DNAH1: variants seen among roughly 807,000 people sequenced by gnomAD.
DNAH1 encodes axonemal beta dynein heavy chain 1.
A neutral mutation model predicts 484.3 loss-of-function variants in DNAH1; 327 were observed. That is an observed-to-expected ratio of 0.68 (90% confidence interval 0.62 to 0.74). DNAH1 has a LOEUF of 0.74. DNAH1 is among the 30% of genes least tolerant of loss of function. The pLI is 0.00. For missense variants in DNAH1, 5,052 were observed against 5,546.8 expected (o/e 0.91, Z 2.83); for synonymous variants, 2,192 against 2,191.9 (o/e 1.00, Z 0.00).
intron 7 of DNAH1, 136 bp downstream of exon 7, chr3:52,331,445 G>A (rs1177892297): frequency 2.8e-6 from 3 of 1,057,530 alleles, no homozygotes; most frequent in South Asian, 1.7e-5. Context: ...GCCCTGACCG[G>A]TGAGGACCAG....
In DNAH1 at chr3:52,383,972, A is replaced by C; in HGVS notation, c.8263A>C (p.Thr2755Pro). The C allele has an allele frequency of 3.7e-6, 6 of 1,611,672 alleles. No homozygotes were observed. In the East Asian group the frequency reaches 1.1e-4, roughly 30 times the overall value. The change falls in exon 52 of 78, where the codon ACC becomes CCC. Residue 2755 changes from threonine to proline, a missense_variant. Thr to Pro is a conservative substitution (Grantham distance 38). This residue lies in a region of DNAH1 where 2,929 missense variants were observed against 3,409.4 expected (regional missense o/e 0.86). Coordinates refer to ENST00000420323, the MANE Select transcript of DNAH1 (RefSeq NM_015512.5). The stretch of plus-strand genomic sequence containing the variant: ...GGCAGAAGCCCTGAAGTCTGTGGCC[A>C]CCGTGTTCCTCAATGAGATCCCAGA... ...WPAEALKSVA[T>P]VFLNEIPELE... is the part of the protein sequence containing the mutation.
At chr3:52,372,862 G>A in intron 43 of DNAH1, 34 bp from the exon 44 acceptor site, 2 of 1,589,224 alleles carry the variant, frequency 1.3e-6, no homozygotes, top group South Asian at 1.1e-5. Context: ...CCTGGTGCCT[G>A]TGGGTGCTGG....
At position 52,391,581 on chromosome 3, in the gene DNAH1, A is replaced by G. The variant is rs1350331590; in HGVS notation, c.10030A>G (p.Ile3344Val). 1 of 1,613,570 alleles carries G rather than the reference A, an allele frequency of 6.2e-7. No homozygotes were observed. The highest frequency in any genetic ancestry group is 1.7e-5 in the Admixed American group (1 of 59,984). The change falls in exon 63 of 78, where the codon ATC becomes GTC. Residue 3344 changes from isoleucine to valine, a missense_variant. Physicochemically the swap from Ile to Val is conservative, Grantham distance 29. Coordinates refer to ENST00000420323, the MANE Select transcript of DNAH1 (RefSeq NM_015512.5). ...CGAGATCTCCACCAAACTCACCCTC[A>G]TCAACTTCACCCTGTCGCCCAGGTG... ...TPEISTKLTL[I>V]NFTLSPSGLE...
At position 52,364,643 on chromosome 3, in the gene DNAH1, C is replaced by T. The variant is rs755467981; in HGVS notation, c.5250C>T (p.His1750=). The change falls in exon 33 of 78, where the codon CAC becomes CAT. Residue 1750 remains histidine, a synonymous_variant. Coordinates refer to ENST00000420323, the MANE Select transcript of DNAH1 (RefSeq NM_015512.5). This position sits in a 1 kb window ranked among gnomAD's most constrained non-coding sequence, Gnocchi z 4.2. ...CTCCTTCTGTATGGCGACAGGATCA[C>T]TATGACTTCGGGATGAGAGCCGTGA... is the stretch of plus-strand genomic sequence containing the variant. The part of the protein sequence containing the change: ...LSSEQLSSQD[H]YDFGMRAVKT... 3.7e-6 allele frequency: 6 copies of T among 1,613,980 alleles called. No homozygotes were observed. The South Asian group carries it at 6.6e-5, about 18-fold the overall frequency.
chr3:52,375,916 C>T (rs374196749), intron 45 of DNAH1, 39 bp from the exon 46 acceptor site: 1 of 1,610,434 alleles, frequency 6.2e-7, no homozygotes, highest in Non-Finnish European at 8.5e-7. Flanking sequence ...AAGAGGTCCA[C>T]CTAACCCTGA....
chr3:52,343,463 G>A (rs994422000), intron 8 of DNAH1, among the ~76,000 whole-genome samples: 1 of 152,158 alleles, frequency 6.6e-6, no homozygotes, highest in African/African-American at 2.4e-5. Context: ...GAAATTCGAG[G>A]GACTTCACCC....
At position 52,395,746 on chromosome 3, in the gene DNAH1, G is replaced by A. The variant is rs1307823562; in HGVS notation, c.11259+68G>A. 4 of 1,550,416 alleles carry A rather than the reference G, an allele frequency of 2.6e-6. No homozygotes were observed. The highest frequency in any genetic ancestry group is 3.5e-6 in the Non-Finnish European group (4 of 1,143,456). ...GCATCCATCAGGGACTAATGAGGCA[G>A]AAATAAGAGAATCATGCCAAGCACT... On this transcript the variant is annotated intron_variant, in intron 70 of 77. Transcript: ENST00000420323. This position sits in a 1 kb window ranked among gnomAD's most constrained non-coding sequence, Gnocchi z 4.4.
At chr3:52,313,824 C>T (rs1700867965), upstream of DNAH1, among the ~76,000 whole-genome samples, 2 of 152,158 alleles carry the variant, frequency 1.3e-5, no homozygotes, top group African/African-American at 4.8e-5. Flanking sequence ...GTGTCCCTCA[C>T]ACCACTCTGT....
In DNAH1 at chr3:52,394,637, T is replaced by C; in HGVS notation, c.10799T>C (p.Ile3600Thr). Residue 3600 changes from isoleucine to threonine, a missense_variant, in exon 67 of 78, where the codon ATC becomes ACC. By Grantham distance (89) the Ile-to-Thr change is moderately conservative (BLOSUM62 -1). This residue lies in a region of DNAH1 where 853 missense variants were observed against 899.0 expected (regional missense o/e 0.95). Coordinates refer to ENST00000420323, the MANE Select transcript of DNAH1 (RefSeq NM_015512.5). Reference sequence around the variant, plus strand: ...AAGCACCTCTCAGAATTCCGGGTCATCTTCGACAGCCTTGAGCCCCACCGG... The same window carrying C: ...AAGCACCTCTCAGAATTCCGGGTCACCTTCGACAGCCTTGAGCCCCACCGG... Reference protein sequence around the residue: ...FVKHLSEFRVIFDSLEPHREP... With the variant: ...FVKHLSEFRVTFDSLEPHREP... 1 of 1,583,704 alleles carries C rather than the reference T, an allele frequency of 6.3e-7. No individual in the cohort carries two copies. The highest frequency in any genetic ancestry group is 1.3e-5 in the African/African-American group (1 of 74,760).
chr3:52,395,290 C>T lies in DNAH1; in HGVS notation c.10969-18C>T. 6.2e-7 allele frequency: 1 copy of T among 1,610,446 alleles called. No individual in the cohort carries two copies. The highest frequency in any genetic ancestry group is 8.5e-7 in the Non-Finnish European group (1 of 1,177,958). On this transcript the variant is annotated intron_variant, in intron 68 of 77. Transcript: ENST00000420323. The surrounding 1 kb of genome is among the most constrained non-coding windows in gnomAD (Gnocchi z 4.4). ...CTGCAGCCCCAGGTGGTCTCAGCAT[C>T]TCCCCCTGCCCTTGCAGACAGCCAA... is the stretch of plus-strand genomic sequence containing the variant.
chr3:52,396,536 A>G lies in DNAH1; in HGVS notation c.11428A>G (p.Lys3810Glu), dbSNP rs1165488553. 1 of 1,612,566 alleles carries G rather than the reference A, an allele frequency of 6.2e-7. No individual in the cohort carries two copies. Among genetic ancestry groups the G allele is most frequent in the Non-Finnish European group, 8.5e-7 (1 of 1,179,398 alleles). Reference sequence around the variant, plus strand: ...TGAAGACTTCCTCAACTCCTGCCACAAGGTGAGGCACACTTGGTGCAGGCC... The same window carrying G: ...TGAAGACTTCCTCAACTCCTGCCACGAGGTGAGGCACACTTGGTGCAGGCC... ...LGEDFLNSCH[K>E]VMEFKSLLLS... Residue 3810 changes from lysine (K) to glutamate (E), a missense_variant and splice_region_variant, in exon 71 of 78, where the codon AAG becomes GAG. Physicochemically the swap from Lys to Glu is moderately conservative, Grantham distance 56. This residue lies in a region of DNAH1 where 853 missense variants were observed against 899.0 expected (regional missense o/e 0.95). Coordinates refer to ENST00000420323, the MANE Select transcript of DNAH1 (RefSeq NM_015512.5).
At chr3:52,359,068 T>A (rs747700480) in intron 25 of DNAH1, among the ~76,000 whole-genome samples, 178 bp from the exon 26 acceptor site, 3 of 152,150 alleles carry the variant, frequency 2.0e-5, no homozygotes, top group Non-Finnish European at 2.9e-5. Context: ...TTCAGAGATA[T>A]CTCTGCCACC....
At position 52,326,237 on chromosome 3, in the gene DNAH1, G is replaced by T; in HGVS notation, c.504G>T (p.Leu168=). 12 of 1,613,038 alleles carry T rather than the reference G, an allele frequency of 7.4e-6. No individual in the cohort carries two copies. The highest frequency in any genetic ancestry group is 4.2e-6 in the Non-Finnish European group (5 of 1,179,692). The change falls in exon 4 of 78, where the codon CTG becomes CTT. Residue 168 remains leucine, a synonymous_variant. Coordinates refer to ENST00000420323, the MANE Select transcript of DNAH1 (RefSeq NM_015512.5). ...TRLLAQTDFP[L]QAYEPKMQVP... ...TGCTCGCCCAGACTGACTTCCCACT[G>T]CAGGCCTACGAGCCCAAGATGCAGG...
rs1323959038 is a variant in DNAH1 at position 52,363,087 on chromosome 3, G to A, written c.5187G>A (p.Val1729=). 6.2e-7 allele frequency: 1 copy of A among 1,613,876 alleles called. No individual in the cohort carries two copies. Among genetic ancestry groups the A allele is most frequent in the Non-Finnish European group, 8.5e-7 (1 of 1,179,868 alleles). ...CCTTTGGCTTTAATGAGGCCAGTGTGCTGGCTAAGAAGATCACAACCACCT... is the reference window on the plus strand; with the variant it reads ...CCTTTGGCTTTAATGAGGCCAGTGTACTGGCTAAGAAGATCACAACCACCT... ...LYSFGFNEAS[V]LAKKITTTFK... The change falls in exon 32 of 78, where the codon GTG becomes GTA. Residue 1729 remains valine, a synonymous_variant. Coordinates refer to ENST00000420323, the MANE Select transcript of DNAH1 (RefSeq NM_015512.5).
rs1578065231 is a variant in DNAH1, at chr3:52,322,396, G to A, written c.-34-13G>A. ...GCTGGCAAGGGCTGACTGACGCTGGGTTCTTCTCCTAGGAGCTTCGGCTGG... is the reference window on the plus strand; with the variant it reads ...GCTGGCAAGGGCTGACTGACGCTGGATTCTTCTCCTAGGAGCTTCGGCTGG... On this transcript the variant is annotated splice_polypyrimidine_tract_variant and intron_variant, in intron 1 of 77. Coordinates refer to ENST00000420323, the MANE Select transcript of DNAH1 (RefSeq NM_015512.5). The A allele has an allele frequency of 1.3e-6, 2 of 1,562,690 alleles. No homozygotes were observed. The highest frequency in any genetic ancestry group is 1.7e-6 in the Non-Finnish European group (2 of 1,158,438).
chr3:52,349,898 C>T (rs997223237), intron 14 of DNAH1, 91 bp from the exon 15 acceptor site: 31 of 1,495,328 alleles, frequency 2.1e-5, no homozygotes, highest in Middle Eastern at 2.0e-4. Context: ...AGTTACCTGT[C>T]GGGAGATGCT....
intron 8 of DNAH1, among the ~76,000 whole-genome samples, chr3:52,343,166 A>G (rs1191725080): frequency 6.6e-6 from 1 of 152,192 alleles, no homozygotes; most frequent in Non-Finnish European, 1.5e-5. Flanking sequence ...TAGCGAGGGA[A>G]GAGATGAGGA....
chr3:52,324,902 G>C (rs980854671), intron 3 of DNAH1, among the ~76,000 whole-genome samples: 8 of 152,122 alleles, frequency 5.3e-5, no homozygotes, highest in African/African-American at 1.9e-4. Flanking sequence ...GCAACCAGTA[G>C]TGGACATTCA....
chr3:52,395,616 C>G lies in DNAH1; in HGVS notation c.11197C>G (p.His3733Asp). ...CAAATGGGTCTTCTTCCAGAACTGCCACCTGGCACCAAGCTGGATGCCAGC... is the reference window on the plus strand; with the variant it reads ...CAAATGGGTCTTCTTCCAGAACTGCGACCTGGCACCAAGCTGGATGCCAGC... ...RGKWVFFQNCHLAPSWMPALE... is the reference protein window; with the variant it reads ...RGKWVFFQNCDLAPSWMPALE... The change falls in exon 70 of 78, where the codon CAC (histidine) becomes GAC (aspartate). Residue 3733 changes from histidine to aspartate, a missense_variant. This residue lies in a region of DNAH1 where 853 missense variants were observed against 899.0 expected (regional missense o/e 0.95). Transcript: ENST00000420323. The surrounding 1 kb of genome is among the most constrained non-coding windows in gnomAD (Gnocchi z 4.4). 1 of 1,613,896 alleles carries G rather than the reference C, an allele frequency of 6.2e-7. No homozygotes were observed. Among genetic ancestry groups the G allele is most frequent in the Non-Finnish European group, 8.5e-7 (1 of 1,179,890 alleles).
Sources: allele counts gnomAD v4.1 joint callset (sites outside exome capture counted in the v4.1 genomes callset), GRCh38; gene constraint gnomAD v4.1.1; regional missense constraint gnomAD v4.1.1; non-coding constraint Gnocchi (gnomAD v3.1); transcripts MANE v1.5; gene names NCBI Gene and HGNC (gene_info 2026-07-23, HGNC 2026-07-21).